SGCZ: variants seen among roughly 807,000 people sequenced by gnomAD.
SGCZ encodes the protein zeta-sarcoglycan.
SGCZ carries 40 observed loss-of-function variants against 41.3 expected under a neutral mutation model. That is an observed-to-expected ratio of 0.97 (90% CI 0.75 to 1.26). The LOEUF (loss-of-function observed/expected upper bound fraction) is 1.26. Ranked by LOEUF, SGCZ falls within the 50% of genes most tolerant of loss-of-function variation. The pLI is 0.00. For missense variants in SGCZ, 552 were observed against 369.8 expected (o/e 1.49, Z -4.04); for synonymous variants, 206 against 137.5 (o/e 1.50, Z -3.49).
chr8:15,159,397 G>A lies in SGCZ; in HGVS notation c.39+78188C>T, dbSNP rs184043229. Among the ~76,000 whole-genome samples the A allele has an allele frequency of 1.3e-3, 199 of 152,274 alleles. 1 individual carries two copies. Among genetic ancestry groups the A allele is most frequent in the African/African-American group, 4.3e-3 (177 of 41,562 alleles). On this transcript the variant is annotated intron_variant, in intron 1 of 7. Transcript: ENST00000382080. ...AAAATTAATTGAACCCAAAGAGTGGGTCATGGGAACTCTGACTTGAAACCA... is the reference window on the plus strand; with the variant it reads ...AAAATTAATTGAACCCAAAGAGTGGATCATGGGAACTCTGACTTGAAACCA...
chr8:15,228,194 A>C (rs1211825173), intron 1 of SGCZ, among the ~76,000 whole-genome samples: 1 of 152,230 alleles, frequency 6.6e-6, no homozygotes, highest in Non-Finnish European at 1.5e-5. Flanking sequence ...AAATGAAAGC[A>C]GGTTTGTATT....
chr8:14,138,116 A>C (rs960115364), intron 5 of SGCZ, among the ~76,000 whole-genome samples: 1 of 152,206 alleles, frequency 6.6e-6, no homozygotes, highest in Non-Finnish European at 1.5e-5. Context: ...AATCCTTTAC[A>C]GACAAGCAAA....
rs141590512 is a variant in SGCZ, at chr8:14,403,096, C to T, written c.235-78892G>A. Among the ~76,000 whole-genome samples the T allele has an allele frequency of 3.5e-4, 51 of 147,432 alleles. 1 individual carries two copies. The highest frequency in any genetic ancestry group is 1.2e-3 in the African/African-American group (45 of 37,122). On this transcript the variant is annotated intron_variant, in intron 2 of 7. Coordinates refer to ENST00000382080, the MANE Select transcript of SGCZ (RefSeq NM_139167.4). ...CATGATTTGGCTCTCTGTTTGTCTGCTGTTGGTGTATAAGAATGCTTGTGA... is the reference window on the plus strand; with the variant it reads ...CATGATTTGGCTCTCTGTTTGTCTGTTGTTGGTGTATAAGAATGCTTGTGA...
intron 2 of SGCZ, among the ~76,000 whole-genome samples, chr8:14,360,626 G>GTTTA (rs148216893): frequency 4.8e-4 from 73 of 151,808 alleles, no homozygotes; most frequent in South Asian, 1.9e-3. Flanking sequence ...GCGCCTGGCT[G>GTTTA]TTTATTTATT....
In SGCZ at chr8:14,652,884, A is replaced by C. The variant is rs139384945; in HGVS notation, c.40-97958T>G. Among the ~76,000 whole-genome samples, 710 of 152,172 alleles carry C rather than the reference A, an allele frequency of 4.7e-3. 6 individuals carry two copies. The highest frequency in any genetic ancestry group is 0.016 in the African/African-American group (666 of 41,514). ...GTATCATTAACTCGATCCCTTACTA[A>C]GCTATGCCTAATTTCCCATTATTGT... On this transcript the variant is annotated intron_variant, in intron 1 of 7. Coordinates refer to ENST00000382080, the MANE Select transcript of SGCZ (RefSeq NM_139167.4).
chr8:14,869,052 C>T (rs984068808), intron 1 of SGCZ, among the ~76,000 whole-genome samples: 12 of 152,020 alleles, frequency 7.9e-5, no homozygotes, highest in African/African-American at 2.9e-4. Flanking sequence ...CTATTCCAAA[C>T]AACAGAAAAA....
At chr8:15,110,146 G>A (rs553582875) in intron 1 of SGCZ, among the ~76,000 whole-genome samples, 2 of 152,134 alleles carry the variant, frequency 1.3e-5, no homozygotes, top group East Asian at 1.9e-4. Context: ...AATATTAAAT[G>A]GGGTTAAATT....
chr8:14,503,125 G>C (rs1010114705), intron 2 of SGCZ, among the ~76,000 whole-genome samples: 3 of 152,108 alleles, frequency 2.0e-5, no homozygotes, highest in African/African-American at 7.2e-5. Flanking sequence ...ATAAAAAAAA[G>C]AATGAGTTCA....
At chr8:14,466,598 T>A (rs1000060610) in intron 2 of SGCZ, among the ~76,000 whole-genome samples, 1 of 151,864 alleles carries the variant, frequency 6.6e-6, no homozygotes. Flanking sequence ...ATTGCTCTGC[T>A]TGATGGTTTC....
chr8:14,825,756 T>G (rs562553397), intron 1 of SGCZ, among the ~76,000 whole-genome samples: 1 of 152,264 alleles, frequency 6.6e-6, no homozygotes, highest in South Asian at 2.1e-4. Context: ...GTCTATTCTA[T>G]GAAATCAACT....
At chr8:14,726,309 T>TAC (rs1229574330) in intron 1 of SGCZ, among the ~76,000 whole-genome samples, 4 of 112,132 alleles carry the variant, frequency 3.6e-5, no homozygotes, top group Non-Finnish European at 7.2e-5. Flanking sequence ...TATGTGTAAA[T>TAC]ACATATATAT....
At chr8:14,770,768 C>G (rs1039811845) in intron 1 of SGCZ, among the ~76,000 whole-genome samples, 10 of 151,930 alleles carry the variant, frequency 6.6e-5, no homozygotes, top group Non-Finnish European at 1.2e-4. Context: ...GTGATTGAGA[C>G]AAACACATAA....
chr8:15,097,816 G>GTGTGTATATATATA (rs1491445373), intron 1 of SGCZ, among the ~76,000 whole-genome samples: 1 of 22,570 alleles, frequency 4.4e-5, no homozygotes, highest in African/African-American at 1.4e-4. Context: ...ATATATATAC[G>GTGTGTATATATATA]TGTGTGTATA....
chr8:14,598,044 G>A (rs945879030), intron 1 of SGCZ, among the ~76,000 whole-genome samples: 13 of 152,126 alleles, frequency 8.5e-5, no homozygotes, highest in African/African-American at 2.9e-4. Flanking sequence ...TGGAGTTAGA[G>A]CAAAAATTAT....
chr8:14,218,149 T>C (rs542696887), intron 4 of SGCZ, among the ~76,000 whole-genome samples: 52 of 152,166 alleles, frequency 3.4e-4, no homozygotes, highest in Non-Finnish European at 6.9e-4. Flanking sequence ...GCATTTAAAA[T>C]AGTAAGAGAT....
chr8:14,209,243 C>T (rs1216058666), intron 4 of SGCZ, among the ~76,000 whole-genome samples: 1 of 152,218 alleles, frequency 6.6e-6, no homozygotes, highest in Non-Finnish European at 1.5e-5. Context: ...CACACAGCCT[C>T]TTCAAACCTG....
intron 2 of SGCZ, among the ~76,000 whole-genome samples, chr8:14,358,273 T>C (rs1347259709): frequency 6.6e-6 from 1 of 152,236 alleles, no homozygotes; most frequent in Non-Finnish European, 1.5e-5. Flanking sequence ...TAGATTGATA[T>C]TTTCTTTTTG....
At chr8:15,097,707 C>T (rs183746467) in intron 1 of SGCZ, among the ~76,000 whole-genome samples, 69 of 145,268 alleles carry the variant, frequency 4.7e-4, no homozygotes, top group East Asian at 8.2e-4. Flanking sequence ...ACTGTCTACG[C>T]GACAGAGTGA....
At chr8:14,417,990 C>T (rs897841824) in intron 2 of SGCZ, among the ~76,000 whole-genome samples, 3 of 151,626 alleles carry the variant, frequency 2.0e-5, no homozygotes, top group African/African-American at 7.3e-5. Context: ...TCTTCCTGGT[C>T]CTGATAATGT....
Sources: gnomAD v4.1 joint callset for allele counts (sites outside exome capture counted in the v4.1 genomes callset) on GRCh38, gnomAD v4.1.1 for gene constraint, MANE v1.5 for transcripts, NCBI Gene and HGNC (gene_info 2026-07-23, HGNC 2026-07-21) for gene names.